The following ULK2 variants were observed in gnomAD, a reference collection of about 807,000 sequenced individuals.
ULK2 encodes the protein serine/threonine-protein kinase ULK2.
ULK2 carries 76 observed loss-of-function variants against 127.5 expected under a neutral mutation model. That is an observed-to-expected ratio of 0.60 (90% CI 0.50 to 0.72). ULK2 has a LOEUF of 0.72. Among genes scored for constraint, ULK2 ranks in the 30% least tolerant of loss-of-function variants. The probability of loss-of-function intolerance (pLI) is 0.00; values close to 1 mark genes in which losing one functional copy is unlikely to be tolerated. For synonymous variants in ULK2, 452 were observed against 461.9 expected (o/e 0.98, Z 0.28); for missense variants, 1,144 against 1,295.9 (o/e 0.88, Z 1.80).
intron 12 of ULK2, among the ~76,000 whole-genome samples, chr17:19,818,806 T>C (rs1000071911): frequency 7.4e-6 from 1 of 135,280 alleles, no homozygotes; most frequent in East Asian, 2.0e-4. Flanking sequence ...TCTTTTTTTT[T>C]TTTTTTTTTT....
In ULK2 at chr17:19,772,466, T is replaced by A. The variant is rs768565167; in HGVS notation, c.*3883A>T. 6.6e-6 allele frequency: 1 copy of A among 152,200 alleles called. No individual in the cohort carries two copies. The highest frequency in any genetic ancestry group is 1.5e-5 in the Non-Finnish European group (1 of 68,038). 9.4% of individuals were successfully genotyped at this position (152,200 alleles called of 1,614,324 possible). ...GTCCAGGACTCAGAAAAAAGTGGTC[T>A]GAGGCCGTCTAGAAATAGGCACAGA... On this transcript the variant is annotated 3_prime_UTR_variant, in exon 27 of 27. Coordinates refer to ENST00000395544, the MANE Select transcript of ULK2 (RefSeq NM_014683.4).
At chr17:19,786,520 C>G (rs2087035656) in intron 20 of ULK2, among the ~76,000 whole-genome samples, 1 of 152,050 alleles carries the variant, frequency 6.6e-6, no homozygotes, top group Non-Finnish European at 1.5e-5. Flanking sequence ...TCGAGACCAG[C>G]CTGGCCAACG....
At chr17:19,856,536 C>T (rs978630444) in intron 3 of ULK2, among the ~76,000 whole-genome samples, 5 of 151,478 alleles carry the variant, frequency 3.3e-5, no homozygotes, top group South Asian at 2.1e-4. Flanking sequence ...GAGCCGAGAT[C>T]GCGCCACTGC....
intron 25 of ULK2, among the ~76,000 whole-genome samples, chr17:19,778,822 G>A (rs115380180): frequency 6.6e-6 from 1 of 152,048 alleles, no homozygotes; most frequent in Non-Finnish European, 1.5e-5. Flanking sequence ...GGATACAGAA[G>A]ATCAGAGCCA....
intron 10 of ULK2, among the ~76,000 whole-genome samples, chr17:19,826,975 A>T (rs930274953): frequency 6.6e-6 from 1 of 151,862 alleles, no homozygotes; most frequent in Non-Finnish European, 1.5e-5. Flanking sequence ...AAAAAAAGAA[A>T]CTACAAAAAC....
chr17:19,832,786 A>G (rs2152394683), intron 10 of ULK2, among the ~76,000 whole-genome samples: 1 of 152,336 alleles, frequency 6.6e-6, no homozygotes, highest in East Asian at 1.9e-4. Context: ...ACTGCAAGGA[A>G]AACAATATTC....
chr17:19,814,439 T>TACATATATA (rs1491246393), intron 13 of ULK2, among the ~76,000 whole-genome samples: 1 of 10,004 alleles, frequency 1.0e-4, no homozygotes, highest in East Asian at 1.0e-3. Context: ...TATATATATA[T>TACATATATA]TTTTTTTTTT....
At position 19,782,914 on chromosome 17, in the gene ULK2, T is replaced by TCAAA. The variant is rs749294056; in HGVS notation, c.2460+779_2460+782dup. On this transcript the variant is annotated intron_variant, in intron 22 of 26. Coordinates refer to ENST00000395544, the MANE Select transcript of ULK2 (RefSeq NM_014683.4). ...CTGGGTGACAGAGCAAGACTCTGTC[T>TCAAA]CAAATAAACAAACAAACAAACAAAC... Among the ~76,000 whole-genome samples the TCAAA allele has an allele frequency of 4.2e-3, 444 of 106,484 alleles. 1 individual carries two copies. The highest frequency in any genetic ancestry group is 6.3e-3 in the Non-Finnish European group (312 of 49,238). 69.9% of individuals were successfully genotyped at this position (106,484 alleles called of 152,430 possible).
chr17:19,861,071 A>C (rs2042232761), intron 3 of ULK2: 1 of 152,090 alleles, frequency 6.6e-6, no homozygotes, highest in African/African-American at 2.4e-5. Flanking sequence ...TCTCAAAAAA[A>C]AAAAGAAAAA....
At chr17:19,822,577 A>G (rs2041178889) in intron 12 of ULK2, among the ~76,000 whole-genome samples, 1 of 151,970 alleles carries the variant, frequency 6.6e-6, no homozygotes, top group African/African-American at 2.4e-5. Flanking sequence ...CATGTTGGCC[A>G]GGCTGGTCTC....
At chr17:19,861,746 AG>A (rs2042247555) in intron 3 of ULK2, among the ~76,000 whole-genome samples, 1 of 152,220 alleles carries the variant, frequency 6.6e-6, no homozygotes, top group Non-Finnish European at 1.5e-5. Context: ...AGCAGTGAGG[AG>A]AACCAACATT....
At chr17:19,839,535 GC>G (rs1373381097) in intron 9 of ULK2, among the ~76,000 whole-genome samples, 1 of 151,622 alleles carries the variant, frequency 6.6e-6, no homozygotes, top group Non-Finnish European at 1.5e-5. Flanking sequence ...GTGGTAGCCT[GC>G]CTGTAGTCCT....
intron 3 of ULK2, among the ~76,000 whole-genome samples, chr17:19,853,769 C>T (rs768236707): frequency 2.2e-4 from 34 of 151,908 alleles, no homozygotes; most frequent in Non-Finnish European, 3.7e-4. Context: ...GATGGGGTTT[C>T]ACCTTGTTAG....
chr17:19,825,916 G>A (rs1258258700), intron 11 of ULK2, among the ~76,000 whole-genome samples: 2 of 150,878 alleles, frequency 1.3e-5, no homozygotes, highest in African/African-American at 4.9e-5. Flanking sequence ...AACCCGGGAG[G>A]TGGAGGTTGC....
intron 22 of ULK2, 88 bp from the exon 23 acceptor site, chr17:19,782,155 TGTTTTCTATACTTATGA>T: frequency 3.1e-6 from 4 of 1,298,774 alleles, no homozygotes; most frequent in Non-Finnish European, 4.2e-6. Flanking sequence ...CCGCTGATCA[TGTTTTCTATACTTATGA>T]GTATCAGAAT....
intron 20 of ULK2, among the ~76,000 whole-genome samples, chr17:19,791,795 T>C (rs2087158737): frequency 1.4e-5 from 2 of 147,244 alleles, no homozygotes; most frequent in South Asian, 2.1e-4. Context: ...GAGGTGGAGA[T>C]TGCAGTGCAC....
chr17:19,830,215 A>G (rs2041403588), intron 10 of ULK2, among the ~76,000 whole-genome samples: 1 of 151,722 alleles, frequency 6.6e-6, no homozygotes, highest in Non-Finnish European at 1.5e-5. Context: ...TTTTTTTTTA[A>G]TCAGAGACAA....
rs943308352 is a variant in ULK2, at chr17:19,796,994, T to A, written c.1809+402A>T. Among the ~76,000 whole-genome samples, 6 of 152,342 alleles carry A rather than the reference T, an allele frequency of 3.9e-5. No individual in the cohort carries two copies. The South Asian group carries it at 1.2e-3, about 32-fold the overall frequency. On this transcript the variant is annotated intron_variant, in intron 18 of 26. Transcript: ENST00000395544. ...CATCTGGTACACAGAAAGTGCTCAT[T>A]ATATTATAGCTATTATTGTCCAGGA... is the stretch of plus-strand genomic sequence containing the variant.
intron 23 of ULK2, 117 bp from the exon 24 acceptor site, chr17:19,781,221 ATTTCTTTTCTTC>A (rs1056957424): frequency 9.7e-6 from 5 of 514,872 alleles, no homozygotes; most frequent in Non-Finnish European, 1.6e-5. Context: ...ATCCTCTTTG[ATTTCTTTTCTTC>A]TTTCTTTTCT....
Sources: allele counts gnomAD v4.1 joint callset (sites outside exome capture counted in the v4.1 genomes callset), GRCh38; gene constraint gnomAD v4.1.1; transcripts MANE v1.5; gene names NCBI Gene and HGNC (gene_info 2026-07-23, HGNC 2026-07-21).